L3MBTL3: variants seen among roughly 807,000 people sequenced by gnomAD.
L3MBTL3 encodes L3MBTL histone methyl-lysine binding protein 3.
Under a neutral mutation model 102.3 loss-of-function variants are expected in L3MBTL3, and 27 were observed. The observed-to-expected ratio is 0.26, with a 90% confidence interval of 0.19 to 0.36. The LOEUF is 0.36. L3MBTL3 is among the 10% of genes least tolerant of loss of function. L3MBTL3 has a pLI of 1.00. For synonymous variants in L3MBTL3, 340 were observed against 320.9 expected, an observed-to-expected ratio of 1.06 and a Z score of -0.64; for missense variants, 798 against 955.3, an observed-to-expected ratio of 0.84 and a Z score of 2.17.
At chr6:130,034,407 A>G (rs1385600970) in intron 2 of L3MBTL3, among the ~76,000 whole-genome samples, 2 of 152,206 alleles carry the variant, frequency 1.3e-5, no homozygotes, top group African/African-American at 4.8e-5. Context: ...TCACTTGATG[A>G]CTGATTTTTT....
chr6:130,052,959 A>G lies in L3MBTL3; in HGVS notation c.550A>G (p.Lys184Glu), dbSNP rs2114799173. ...AAAATTATCTCTGAAAGCTGACACCAAGGAGGATGGAGAAGAGAGAGATGA... is the reference window on the plus strand; with the variant it reads ...AAAATTATCTCTGAAAGCTGACACCGAGGAGGATGGAGAAGAGAGAGATGA... ...KPKLSLKADT[K>E]EDGEERDDEM... The change falls in exon 7 of 23, where the codon AAG becomes GAG. Residue 184 changes from lysine (K) to glutamate (E), a missense_variant. This residue lies in a region of L3MBTL3 where 434 missense variants were observed against 506.6 expected (regional missense o/e 0.86). Coordinates refer to ENST00000361794, the MANE Select transcript of L3MBTL3 (RefSeq NM_032438.4). The G allele has an allele frequency of 6.2e-7, 1 of 1,613,658 alleles. No homozygotes were observed. Among genetic ancestry groups the G allele is most frequent in the East Asian group, 2.2e-5 (1 of 44,866 alleles).
intron 2 of L3MBTL3, among the ~76,000 whole-genome samples, chr6:130,028,822 A>T (rs1396410366): frequency 6.6e-6 from 1 of 152,250 alleles, no homozygotes; most frequent in African/African-American, 2.4e-5. Context: ...TGTGTTCTCC[A>T]CTGACACTTA....
chr6:130,089,224 AC>A (rs1056381892), intron 16 of L3MBTL3, among the ~76,000 whole-genome samples: 2 of 45,066 alleles, frequency 4.4e-5, no homozygotes, highest in African/African-American at 8.4e-5. Context: ...CCTGCCCCCC[AC>A]CCCATGACAG....
Position 130,133,338 on chromosome 6 carries a change from G to C in L3MBTL3, c.1967-114G>C. On this transcript the variant is annotated intron_variant, in intron 20 of 22. Coordinates refer to ENST00000361794, the MANE Select transcript of L3MBTL3 (RefSeq NM_032438.4). The surrounding 1 kb of genome is among the most constrained non-coding windows in gnomAD (Gnocchi z 4.9). ...CTATTCAATAGTATAATGCTGAAAG[G>C]AACCAATGCTTTAACCACTCCCACC... The C allele has an allele frequency of 1.0e-6, 1 of 958,128 alleles. No homozygotes were observed. Among genetic ancestry groups the C allele is most frequent in the Non-Finnish European group, 1.6e-6 (1 of 631,380 alleles). 59.4% of individuals were successfully genotyped at this position (958,128 alleles called of 1,614,324 possible).
chr6:130,086,316 G>A, intron 16 of L3MBTL3, 66 bp downstream of exon 16: 1 of 1,065,090 alleles, frequency 9.4e-7, no homozygotes, highest in Middle Eastern at 2.1e-4. Flanking sequence ...AAAAACTTTG[G>A]TAGATACTTA....
At chr6:130,057,553 C>T in intron 9 of L3MBTL3, 56 bp downstream of exon 9, 1 of 1,304,556 alleles carries the variant, frequency 7.7e-7, no homozygotes, top group Non-Finnish European at 1.1e-6. Flanking sequence ...GGATACCAGC[C>T]TGAATTACGA....
At position 130,037,391 on chromosome 6, in the gene L3MBTL3, CA is replaced by C. The variant is rs1007412697; in HGVS notation, c.-15-5293del. 4.0e-5 allele frequency among the ~76,000 whole-genome samples: 6 copies of C among 151,586 alleles called. No homozygotes were observed. The East Asian group carries it at 5.8e-4, about 15-fold the overall frequency. On this transcript the variant is annotated intron_variant, in intron 2 of 22. Transcript: ENST00000361794. Reference sequence around the variant, plus strand: ...CTCAGATATTACCAAGTTTATCCACCAGGGGGAAGATATTCTGTCGCTCTAC... The same window carrying C: ...CTCAGATATTACCAAGTTTATCCACCGGGGGAAGATATTCTGTCGCTCTAC...
rs183461069 is a variant in L3MBTL3, at chr6:130,109,617, G to A, written c.1886+5042G>A. 5.6e-4 allele frequency among the ~76,000 whole-genome samples: 85 copies of A among 152,280 alleles called. 2 individuals are homozygous for A. The South Asian group carries it at 6.0e-3, about 11-fold the overall frequency. Reference sequence around the variant, plus strand: ...GATTCTGGATCTTAGACCTTTGTCAGATGGGTAGCTTGCAAAAATTTTCTC... The same window carrying A: ...GATTCTGGATCTTAGACCTTTGTCAAATGGGTAGCTTGCAAAAATTTTCTC... On this transcript the variant is annotated intron_variant, in intron 19 of 22. Coordinates refer to ENST00000361794, the MANE Select transcript of L3MBTL3 (RefSeq NM_032438.4).
At position 130,139,798 on chromosome 6, in the gene L3MBTL3, A is replaced by G. The variant is rs372161707; in HGVS notation, c.*45A>G. ...CCATCAGCATTCTGCTTTAAAGCTCATGTTTTATTCAAAGCACAAGGACGG... is the reference window on the plus strand; with the variant it reads ...CCATCAGCATTCTGCTTTAAAGCTCGTGTTTTATTCAAAGCACAAGGACGG... On this transcript the variant is annotated 3_prime_UTR_variant, in exon 23 of 23. Transcript: ENST00000361794. 7.4e-5 allele frequency: 118 copies of G among 1,590,652 alleles called. No homozygotes were observed. The African/African-American group carries it at 7.5e-4, about 10-fold the overall frequency.
intron 14 of L3MBTL3, 64 bp from the exon 15 acceptor site, chr6:130,083,556 A>G (rs1783497012): frequency 3.0e-6 from 2 of 674,716 alleles, no homozygotes; most frequent in Non-Finnish European, 5.1e-6. Context: ...TTTTTGTTGG[A>G]CAGTTTGTTA....
In L3MBTL3 at chr6:130,024,285, T is replaced by C. The variant is rs143002612; in HGVS notation, c.-16+1980T>C. 6.8e-4 allele frequency among the ~76,000 whole-genome samples: 104 copies of C among 152,260 alleles called. 2 individuals carry two copies. The highest frequency in any genetic ancestry group is 3.4e-3 in the Middle Eastern group (1 of 294). ...TAGACCTCTTTGGCTGCAATCTAAT[T>C]ATAGCCAACTATGTAAAATCTAGAT... On this transcript the variant is annotated intron_variant, in intron 2 of 22. Transcript: ENST00000361794.
chr6:130,059,230 C>T (rs972208235), intron 9 of L3MBTL3, among the ~76,000 whole-genome samples: 4 of 152,188 alleles, frequency 2.6e-5, no homozygotes, highest in African/African-American at 9.7e-5. Context: ...CCAGTGTTAC[C>T]AGTGCTTATA....
intron 20 of L3MBTL3, among the ~76,000 whole-genome samples, chr6:130,124,575 A>G (rs975800765): frequency 6.6e-6 from 1 of 152,150 alleles, no homozygotes; most frequent in African/African-American, 2.4e-5. Flanking sequence ...AAGCTTCCTT[A>G]AGTTATAGTT....
chr6:130,096,857 A>AT (rs1291336303), intron 18 of L3MBTL3, among the ~76,000 whole-genome samples: 1 of 152,220 alleles, frequency 6.6e-6, no homozygotes, highest in Non-Finnish European at 1.5e-5. Context: ...AGAATTACTC[A>AT]TTTTCTTGGA....
chr6:130,138,981 A>C (rs907123360), intron 22 of L3MBTL3, among the ~76,000 whole-genome samples: 2 of 152,174 alleles, frequency 1.3e-5, no homozygotes, highest in African/African-American at 4.8e-5. Context: ...GGTCTTTCTC[A>C]TAGTTACCCT....
chr6:130,108,672 T>G (rs1303510129), intron 19 of L3MBTL3, among the ~76,000 whole-genome samples: 1 of 151,848 alleles, frequency 6.6e-6, no homozygotes, highest in Non-Finnish European at 1.5e-5. Flanking sequence ...AGGATTTTAT[T>G]TTATTTGGTA....
At chr6:130,117,106 A>T (rs867885593) in intron 19 of L3MBTL3, among the ~76,000 whole-genome samples, 7 of 121,290 alleles carry the variant, frequency 5.8e-5, no homozygotes, top group Non-Finnish European at 1.2e-4. Context: ...ATATCTCCCA[A>T]TGCTATCCCT....
chr6:130,076,732 G>C (rs941653822), intron 13 of L3MBTL3, among the ~76,000 whole-genome samples: 5 of 152,128 alleles, frequency 3.3e-5, no homozygotes, highest in Admixed American at 3.3e-4. Context: ...GGGACTAAGA[G>C]ATGACTTGTT....
chr6:130,092,813 T>C lies in L3MBTL3; in HGVS notation c.1587T>C (p.Pro529=), dbSNP rs1426612129. 7 of 1,613,090 alleles carry C rather than the reference T, an allele frequency of 4.3e-6. No individual in the cohort carries two copies. The highest frequency in any genetic ancestry group is 5.9e-6 in the Non-Finnish European group (7 of 1,179,264). Residue 529 remains proline, a synonymous_variant, in exon 17 of 23, where the codon CCT becomes CCC. Coordinates refer to ENST00000361794, the MANE Select transcript of L3MBTL3 (RefSeq NM_032438.4). ...ATGCAGATTCTCCTGATATTCACCC[T>C]GTAGGCTGGTGTTCAAAAACAGGAC... ...WIDADSPDIH[P]VGWCSKTGHP... is the part of the protein sequence containing the mutation.
Sources: gnomAD v4.1 joint callset for allele counts (sites outside exome capture counted in the v4.1 genomes callset) on GRCh38, gnomAD v4.1.1 for gene constraint, gnomAD v4.1.1 regional missense constraint, Gnocchi (gnomAD v3.1) non-coding constraint, MANE v1.5 for transcripts, NCBI Gene and HGNC (gene_info 2026-07-23, HGNC 2026-07-21) for gene names.